Variants in LOC122539214 observed in about 807,000 individuals in gnomAD.
At chr19:52,673,964 C>T in the LOC122539214 span, among the ~76,000 whole-genome samples, 1 of 127,608 alleles carries the variant, frequency 7.8e-6, no homozygotes, top group Non-Finnish European at 1.6e-5. Flanking sequence ...CGCAGTGAGT[C>T]GAGATCATGC....
At chr19:52,664,890 C>G in the LOC122539214 span, among the ~76,000 whole-genome samples, 4 of 152,100 alleles carry the variant, frequency 2.6e-5, no homozygotes, top group South Asian at 4.1e-4. Context: ...ACCAGTGAGG[C>G]TGGAACAGCT....
At chr19:52,663,171 A>G in the LOC122539214 span, among the ~76,000 whole-genome samples, 2 of 149,552 alleles carry the variant, frequency 1.3e-5, no homozygotes, top group Non-Finnish European at 3.0e-5. Context: ...TCAAAAAAGG[A>G]AAAAAAAAAT....
the LOC122539214 span, among the ~76,000 whole-genome samples, chr19:52,681,932 C>T: frequency 1.3e-5 from 2 of 152,186 alleles, no homozygotes; most frequent in African/African-American, 4.8e-5. Flanking sequence ...ACTGCAACCT[C>T]GTTTGCCCAG....
At chr19:52,687,616 G>GGAAATTT in the LOC122539214 span, among the ~76,000 whole-genome samples, 1 of 15,822 alleles carries the variant, frequency 6.3e-5, no homozygotes, top group Admixed American at 6.9e-4. Context: ...TATATAATGT[G>GGAAATTT]TATATATATA....
chr19:52,658,680 AC>A, the LOC122539214 span, among the ~76,000 whole-genome samples: 1 of 152,194 alleles, frequency 6.6e-6, no homozygotes, highest in Non-Finnish European at 1.5e-5. Context: ...GGCTGAAGGC[AC>A]CCGGTTCTTA....
At chr19:52,651,108 A>G in the LOC122539214 span, 2 of 152,226 alleles carry the variant, frequency 1.3e-5, no homozygotes, top group Non-Finnish European at 2.9e-5. Flanking sequence ...CAGATTGGTG[A>G]TACTGACTTG....
the LOC122539214 span, among the ~76,000 whole-genome samples, chr19:52,684,348 AGAGT>A: frequency 2.6e-5 from 4 of 152,166 alleles, no homozygotes; most frequent in East Asian, 7.7e-4. Context: ...CCTGGGTGAC[AGAGT>A]GAGACTCAAA....
At chr19:52,673,651 T>A in the LOC122539214 span, among the ~76,000 whole-genome samples, 1 of 152,172 alleles carries the variant, frequency 6.6e-6, no homozygotes, top group Admixed American at 6.5e-5. Flanking sequence ...TATCTTTTTG[T>A]TTTTTGTTTT....
chr19:52,668,203 A>G, the LOC122539214 span, among the ~76,000 whole-genome samples: 1 of 152,164 alleles, frequency 6.6e-6, no homozygotes, highest in Non-Finnish European at 1.5e-5. Flanking sequence ...GAAAGAATGG[A>G]AACTCGAGCC....
chr19:52,681,280 C>CAAA, the LOC122539214 span, among the ~76,000 whole-genome samples: 731 of 75,132 alleles, frequency 9.7e-3, 31 homozygotes, highest in East Asian at 0.025. Flanking sequence ...GAGACTTTCT[C>CAAA]AAAAAAAAAA....
At chr19:52,688,966 A>C in the LOC122539214 span, among the ~76,000 whole-genome samples, 1 of 151,340 alleles carries the variant, frequency 6.6e-6, no homozygotes, top group African/African-American at 2.4e-5. Context: ...AAAAAAAAAA[A>C]AAAAAAGAGA....
chr19:52,684,901 G>C, the LOC122539214 span, among the ~76,000 whole-genome samples: 5 of 152,328 alleles, frequency 3.3e-5, no homozygotes, highest in East Asian at 9.7e-4. Context: ...GAGCCACAGT[G>C]AGGAGTTGGG....
chr19:52,669,068 C>T, the LOC122539214 span, among the ~76,000 whole-genome samples: 118,815 of 152,134 alleles, frequency 0.78, 46,755 homozygotes, highest in African/African-American at 0.88. Flanking sequence ...TACCAATCAG[C>T]CACTCTTTAT....
At chr19:52,690,064 G>C in the LOC122539214 span, among the ~76,000 whole-genome samples, 4 of 152,168 alleles carry the variant, frequency 2.6e-5, no homozygotes, top group African/African-American at 4.8e-5. Flanking sequence ...CAGGGGCCGC[G>C]GCGCTGCGCT....
the LOC122539214 span, among the ~76,000 whole-genome samples, chr19:52,676,718 G>C: frequency 3.6e-5 from 5 of 138,816 alleles, no homozygotes; most frequent in Admixed American, 1.4e-4. Context: ...TGAGAAATCG[G>C]ATGGTTGCCG....
chr19:52,671,395 T>C, the LOC122539214 span, among the ~76,000 whole-genome samples: 2 of 152,210 alleles, frequency 1.3e-5, no homozygotes, highest in Admixed American at 6.5e-5. Context: ...AAATTCACTC[T>C]ATGTGCCTTC....
At chr19:52,676,468 C>G in the LOC122539214 span, among the ~76,000 whole-genome samples, 373 of 152,040 alleles carry the variant, frequency 2.5e-3, 1 homozygote, top group African/African-American at 8.7e-3. Context: ...GAGCCTGCCC[C>G]GGCCCGGCTA....
the LOC122539214 span, among the ~76,000 whole-genome samples, chr19:52,658,731 T>C: frequency 3.3e-5 from 5 of 152,094 alleles, no homozygotes; most frequent in African/African-American, 9.7e-5. Context: ...CTAGGGACAA[T>C]AGAGGCTTCC....
the LOC122539214 span, among the ~76,000 whole-genome samples, chr19:52,688,378 T>C: frequency 6.6e-6 from 1 of 151,822 alleles, no homozygotes; most frequent in Non-Finnish European, 1.5e-5. Context: ...CTCACTATGT[T>C]GTGCAGGCTG....
Sources: gnomAD v4.1 joint callset for allele counts (sites outside exome capture counted in the v4.1 genomes callset) on GRCh38, gnomAD v4.1.1 for gene constraint, MANE v1.5 for transcripts.